Variants in ST7 observed in about 807,000 individuals in gnomAD.
The protein encoded by ST7 is suppression of tumorigenicity 7.
A neutral mutation model predicts 78.7 loss-of-function variants in ST7; 28 were observed. The observed-to-expected ratio is 0.36, with a 90% CI of 0.26 to 0.49. ST7 has a LOEUF of 0.49. Among genes scored for constraint, ST7 ranks in the 20% least tolerant of loss-of-function variants. The probability of loss-of-function intolerance (pLI) is 0.99; values close to 1 mark genes in which losing one functional copy is unlikely to be tolerated. For missense variants in ST7, 418 were observed against 696.0 expected (o/e 0.60, Z 4.49); for synonymous variants, 247 against 249.6 (o/e 0.99, Z 0.10).
chr7:117,186,791 A>T (rs771964327), intron 10 of ST7, among the ~76,000 whole-genome samples: 14 of 152,182 alleles, frequency 9.2e-5, no homozygotes, highest in Non-Finnish European at 1.6e-4. Flanking sequence ...ATGGAATTGT[A>T]CCCTGTGAAT....
chr7:117,033,728 C>G (rs1171915518), intron 1 of ST7, among the ~76,000 whole-genome samples: 2 of 151,944 alleles, frequency 1.3e-5, no homozygotes, highest in Non-Finnish European at 2.9e-5. Flanking sequence ...CGAGCCTCAT[C>G]CTGTATTTTT....
intron 12 of ST7, among the ~76,000 whole-genome samples, chr7:117,206,797 A>G (rs1237913941): frequency 1.3e-5 from 2 of 152,156 alleles, no homozygotes; most frequent in African/African-American, 2.4e-5. Context: ...AAATTTTTTC[A>G]TGTTAAAAAT....
At position 117,162,792 on chromosome 7, in the gene ST7, A is replaced by G. The variant is rs369988568; in HGVS notation, c.964-8070A>G. Among the ~76,000 whole-genome samples, 103 of 152,288 alleles carry G rather than the reference A, an allele frequency of 6.8e-4. 1 individual carries two copies. The South Asian group carries it at 0.021, about 31-fold the overall frequency. On this transcript the variant is annotated intron_variant, in intron 9 of 15. Coordinates refer to ENST00000323984, the MANE Select transcript of ST7 (RefSeq NM_001369598.1). ...TTGGCACTCTTAAGGCCTGTGGGCCAAATCTGGTCTCCTATCTGTTTTTGT... is the reference window on the plus strand; with the variant it reads ...TTGGCACTCTTAAGGCCTGTGGGCCGAATCTGGTCTCCTATCTGTTTTTGT...
At chr7:117,191,657 A>G (rs1458661363) in intron 12 of ST7, 1 of 152,134 alleles carries the variant, frequency 6.6e-6, no homozygotes, top group East Asian at 1.9e-4. Flanking sequence ...GTATTACGTA[A>G]TTATCATCTT....
intron 1 of ST7, among the ~76,000 whole-genome samples, chr7:116,984,242 G>A (rs897204952): frequency 6.6e-6 from 1 of 151,982 alleles, no homozygotes; most frequent in Non-Finnish European, 1.5e-5. Context: ...CCCAGATCTG[G>A]CCTGTCAATC....
At chr7:116,994,551 A>AT (rs1396324564) in intron 1 of ST7, among the ~76,000 whole-genome samples, 24 of 152,316 alleles carry the variant, frequency 1.6e-4, no homozygotes, top group African/African-American at 5.3e-4. Flanking sequence ...AGAAAGCCTG[A>AT]TTTTTATGGT....
intron 1 of ST7, chr7:117,074,725 A>G (rs1033921725): frequency 3.9e-5 from 6 of 152,192 alleles, no homozygotes; most frequent in Non-Finnish European, 5.9e-5. Flanking sequence ...AGTTAAGGAA[A>G]CCAGCACTCC....
intron 1 of ST7, among the ~76,000 whole-genome samples, chr7:117,025,135 T>C (rs1020008062): frequency 1.3e-5 from 2 of 152,216 alleles, no homozygotes; most frequent in African/African-American, 4.8e-5. Context: ...GTTGTAGTCT[T>C]TTATGTGCAT....
intron 1 of ST7, among the ~76,000 whole-genome samples, chr7:116,975,146 A>G (rs527909155): frequency 1.3e-5 from 2 of 152,332 alleles, no homozygotes; most frequent in South Asian, 4.2e-4. Flanking sequence ...TAGTCATGGC[A>G]GAAGGCGAAG....
At position 117,208,902 on chromosome 7, in the gene ST7, GGTGTGTGTGTGT is replaced by G. The variant is rs58017025; in HGVS notation, c.1255-854_1255-843del. ...TGGTGGTGGGGTGGGTGTATGTGTG[GGTGTGTGTGTGT>G]GTGTGTGTGTGTGTGTGTGTGTGTG... is the stretch of plus-strand genomic sequence containing the variant. On this transcript the variant is annotated intron_variant, in intron 12 of 15. Transcript: ENST00000323984. Among the ~76,000 whole-genome samples, 447 of 139,854 alleles carry G rather than the reference GGTGTGTGTGTGT, an allele frequency of 3.2e-3. 9 individuals carry two copies. Among genetic ancestry groups the G allele is most frequent in the Admixed American group, 0.013 (181 of 14,202 alleles). 91.7% of individuals were successfully genotyped at this position (139,854 alleles called of 152,430 possible). A position where few individuals can be genotyped will look rare whatever the true frequency, so the allele number is the denominator to read the frequency against.
intron 3 of ST7, among the ~76,000 whole-genome samples, chr7:117,122,216 C>G (rs1803442806): frequency 6.6e-6 from 1 of 152,122 alleles, no homozygotes; most frequent in Admixed American, 6.6e-5. Flanking sequence ...GACTAGAAAA[C>G]AGGACATATG....
intron 13 of ST7, among the ~76,000 whole-genome samples, chr7:117,214,932 G>A (rs981117336): frequency 8.2e-6 from 1 of 121,974 alleles, no homozygotes; most frequent in South Asian, 2.1e-4. Context: ...GTGTGTGTGT[G>A]TGTGTGTGTG....
chr7:117,212,775 CAT>C (rs1339460888), intron 13 of ST7, among the ~76,000 whole-genome samples: 3 of 152,016 alleles, frequency 2.0e-5, no homozygotes, highest in African/African-American at 7.3e-5. Flanking sequence ...TATGTATACA[CAT>C]ATATTTAAAA....
chr7:116,999,648 A>G (rs1248855805), intron 1 of ST7, among the ~76,000 whole-genome samples: 2 of 152,166 alleles, frequency 1.3e-5, no homozygotes, highest in Non-Finnish European at 2.9e-5. Flanking sequence ...AAGAAAGGTT[A>G]GTCATGTTCC....
At chr7:117,175,720 A>T (rs1191137694) in intron 10 of ST7, among the ~76,000 whole-genome samples, 2 of 152,198 alleles carry the variant, frequency 1.3e-5, no homozygotes, top group East Asian at 3.8e-4. Context: ...TGTTGTGAGG[A>T]TTAAAGTAGT....
At chr7:117,054,720 C>G in intron 1 of ST7, among the ~76,000 whole-genome samples, 1 of 152,174 alleles carries the variant, frequency 6.6e-6, no homozygotes, top group East Asian at 1.9e-4. Flanking sequence ...TCTACGTGAG[C>G]ATTTCCCCAG....
chr7:117,163,751 C>T (rs1272543796), intron 9 of ST7, among the ~76,000 whole-genome samples: 1 of 152,074 alleles, frequency 6.6e-6, no homozygotes, highest in Non-Finnish European at 1.5e-5. Context: ...CGTCTTTTAA[C>T]TCTGTTGTTT....
At chr7:117,211,063 C>A (rs1173608891) in intron 13 of ST7, among the ~76,000 whole-genome samples, 1 of 152,028 alleles carries the variant, frequency 6.6e-6, no homozygotes, top group Non-Finnish European at 1.5e-5. Context: ...CAGCAGGAGT[C>A]CAAGTTGGTG....
At chr7:117,222,997 CCCCCA>C (rs768652033) in intron 15 of ST7, 61 of 1,549,212 alleles carry the variant, frequency 3.9e-5, no homozygotes, top group Non-Finnish European at 5.3e-5. Flanking sequence ...CACCCCTCTT[CCCCCA>C]CCACCAAAAC....
Sources: allele counts gnomAD v4.1 joint callset (sites outside exome capture counted in the v4.1 genomes callset), GRCh38; gene constraint gnomAD v4.1.1; transcripts MANE v1.5; gene names NCBI Gene and HGNC (gene_info 2026-07-23, HGNC 2026-07-21).